Variants in ZNF420 observed in about 807,000 individuals in gnomAD.
The protein encoded by ZNF420 is zinc finger protein 420.
In ZNF420, 31 loss-of-function variants were observed where a neutral mutation model predicts 44.7. The ratio of observed to expected loss-of-function variants is 0.69; its 90% CI spans 0.52 to 0.94. ZNF420 has a LOEUF of 0.94. Among genes scored for constraint, ZNF420 ranks in the 40% least tolerant of loss-of-function variants. ZNF420 has a pLI of 0.00. For synonymous variants in ZNF420, 245 were observed against 267.4 expected, an observed-to-expected ratio of 0.92 and a Z score of 0.82; for missense variants, 681 against 827.9, an observed-to-expected ratio of 0.82 and a Z score of 2.18.
At chr19:37,035,621 T>C (rs1487279701) in intron 1 of ZNF420, among the ~76,000 whole-genome samples, 2 of 152,222 alleles carry the variant, frequency 1.3e-5, no homozygotes, top group African/African-American at 2.4e-5. Context: ...GATTTGCATG[T>C]GGGCCCCATC....
chr19:37,122,001 C>T (rs1308672356), intron 4 of ZNF420, among the ~76,000 whole-genome samples: 2 of 152,158 alleles, frequency 1.3e-5, no homozygotes, highest in East Asian at 1.9e-4. Flanking sequence ...AGGAACACTT[C>T]TACACTGTTG....
At chr19:37,076,594 A>G (rs1247476354), upstream of ZNF420, among the ~76,000 whole-genome samples, 2 of 152,044 alleles carry the variant, frequency 1.3e-5, no homozygotes, top group African/African-American at 4.8e-5. Flanking sequence ...TCATTGTTCA[A>G]TTCCCACCTA....
intron 1 of ZNF420, among the ~76,000 whole-genome samples, chr19:37,030,115 C>T (rs2146395707): frequency 6.6e-6 from 1 of 152,222 alleles, no homozygotes; most frequent in Non-Finnish European, 1.5e-5. Context: ...CATTTCCTCC[C>T]TTCCTTTCTC....
chr19:37,085,435 C>G (rs1968702168), intron 2 of ZNF420, among the ~76,000 whole-genome samples: 1 of 152,222 alleles, frequency 6.6e-6, no homozygotes, highest in South Asian at 2.1e-4. Context: ...TGTGGGTTCT[C>G]AGGCTCCACC....
chr19:37,083,034 G>A (rs977140742), intron 2 of ZNF420, among the ~76,000 whole-genome samples: 6 of 118,312 alleles, frequency 5.1e-5, no homozygotes, highest in Non-Finnish European at 1.1e-4. Flanking sequence ...CTAATTTTTT[G>A]TATTTTAGTA....
chr19:37,015,030 C>T (rs923672745), intron 1 of ZNF420, among the ~76,000 whole-genome samples: 1 of 152,174 alleles, frequency 6.6e-6, no homozygotes, highest in African/African-American at 2.4e-5. Flanking sequence ...CCTATGTGCC[C>T]GAGGGCTGCT....
chr19:37,064,993 G>A (rs760632239), intron 1 of ZNF420, among the ~76,000 whole-genome samples: 2 of 152,160 alleles, frequency 1.3e-5, no homozygotes, highest in Non-Finnish European at 2.9e-5. Flanking sequence ...GCTATTTATT[G>A]GTAATCCAAC....
At chr19:37,023,297 A>C (rs942109278) in intron 1 of ZNF420, among the ~76,000 whole-genome samples, 2 of 152,154 alleles carry the variant, frequency 1.3e-5, no homozygotes, top group African/African-American at 4.8e-5. Context: ...ATATCCTCTC[A>C]ATTTTCCTCT....
At chr19:37,119,179 C>T (rs1199797554) in intron 4 of ZNF420, among the ~76,000 whole-genome samples, 1 of 151,830 alleles carries the variant, frequency 6.6e-6, no homozygotes, top group Non-Finnish European at 1.5e-5. Context: ...TTTTTTTCAG[C>T]ACCACACCAC....
intron 3 of ZNF420, among the ~76,000 whole-genome samples, chr19:37,090,401 A>C (rs952253939): frequency 3.3e-5 from 5 of 151,962 alleles, no homozygotes; most frequent in African/African-American, 1.2e-4. Context: ...GGTCTCAACT[A>C]CTCAGGAGAA....
At position 37,087,290 on chromosome 19, in the gene ZNF420, A is replaced by T. The variant is rs759535870; in HGVS notation, c.-80-1749A>T. Reference sequence around the variant, plus strand: ...AGAGTGAGACCCTGTCTCAAAAAAAAAAATAAATAAATAAATAAATAAATA... The same window carrying T: ...AGAGTGAGACCCTGTCTCAAAAAAATAAATAAATAAATAAATAAATAAATA... On this transcript the variant is annotated intron_variant, in intron 2 of 4. Coordinates refer to ENST00000337995, the MANE Select transcript of ZNF420 (RefSeq NM_144689.5). Among the ~76,000 whole-genome samples, 691 of 83,442 alleles carry T rather than the reference A, an allele frequency of 8.3e-3. 9 individuals carry two copies. The highest frequency in any genetic ancestry group is 0.035 in the African/African-American group (611 of 17,534). The allele number at this position is 83,442 out of a possible 152,430, so 54.7% of individuals were successfully genotyped here. A position where few individuals can be genotyped will look rare whatever the true frequency, so the allele number is the denominator to read the frequency against.
intron 2 of ZNF420, 135 bp from the exon 3 acceptor site, chr19:37,088,904 A>G (rs780989592): frequency 1.3e-5 from 7 of 557,684 alleles, no homozygotes; most frequent in South Asian, 2.3e-5. Context: ...GAACCACAAC[A>G]TATGTCTGTC....
At chr19:37,072,922 GAAA>G (rs1002001483) in intron 1 of ZNF420, among the ~76,000 whole-genome samples, 2 of 151,964 alleles carry the variant, frequency 1.3e-5, no homozygotes, top group East Asian at 3.8e-4. Flanking sequence ...TTTAAAACAT[GAAA>G]AAAACAGATT....
intron 4 of ZNF420, among the ~76,000 whole-genome samples, chr19:37,118,855 G>A (rs1404852545): frequency 1.3e-5 from 2 of 151,874 alleles, no homozygotes; most frequent in African/African-American, 4.8e-5. Context: ...AACCAACAAA[G>A]ATCAAAAGAG....
At chr19:37,087,282 CAAAAAAA>C (rs199903253) in intron 2 of ZNF420, among the ~76,000 whole-genome samples, 1,850 of 121,448 alleles carry the variant, frequency 0.015, 42 homozygotes, top group African/African-American at 0.049. Flanking sequence ...GACCCTGTCT[CAAAAAAA>C]AAAATAAATA....
intron 4 of ZNF420, among the ~76,000 whole-genome samples, chr19:37,096,864 T>C (rs929036615): frequency 1.3e-5 from 2 of 152,092 alleles, no homozygotes; most frequent in Non-Finnish European, 2.9e-5. Context: ...TGCTTTTCTT[T>C]TTATGTTCTC....
At chr19:37,040,658 TAA>T (rs1194594082) in intron 1 of ZNF420, among the ~76,000 whole-genome samples, 1 of 152,102 alleles carries the variant, frequency 6.6e-6, no homozygotes, top group Non-Finnish European at 1.5e-5. Flanking sequence ...TTCAGGTCAA[TAA>T]AGAGGTTATC....
chr19:37,054,047 C>G (rs1364834309), intron 1 of ZNF420, among the ~76,000 whole-genome samples: 2 of 152,350 alleles, frequency 1.3e-5, no homozygotes, highest in African/African-American at 4.8e-5. Flanking sequence ...CCTACTGACG[C>G]CTTGGCAATG....
intron 1 of ZNF420, among the ~76,000 whole-genome samples, chr19:37,016,041 C>T (rs2074606765): frequency 6.6e-6 from 1 of 152,198 alleles, no homozygotes; most frequent in African/African-American, 2.4e-5. Flanking sequence ...CTCCTCAACA[C>T]CCACATTTCC....
Sources: gnomAD v4.1 joint callset for allele counts (sites outside exome capture counted in the v4.1 genomes callset) on GRCh38, gnomAD v4.1.1 for gene constraint, MANE v1.5 for transcripts, NCBI Gene and HGNC (gene_info 2026-07-23, HGNC 2026-07-21) for gene names.